Variants in SAMD12 observed in about 807,000 individuals in gnomAD.
SAMD12 encodes the protein sterile alpha motif domain containing 12.
In SAMD12, 9 loss-of-function variants were observed where a neutral mutation model predicts 15.0. That is an observed-to-expected ratio of 0.60 (90% CI 0.36 to 1.05). SAMD12 has a LOEUF of 1.05. Ranked by LOEUF, SAMD12 falls within the 50% of genes least tolerant of loss-of-function variation. The pLI, the probability that SAMD12 is intolerant of heterozygous loss-of-function variation, is 0.01. For missense variants in SAMD12, 230 were observed against 234.2 expected (o/e 0.98, Z 0.12); for synonymous variants, 86 against 90.1 (o/e 0.96, Z 0.25).
chr8:118,220,863 T>G (rs1198352298), intron 4 of SAMD12, among the ~76,000 whole-genome samples: 2 of 152,174 alleles, frequency 1.3e-5, no homozygotes, highest in Non-Finnish European at 2.9e-5. Flanking sequence ...ATTGAACCAG[T>G]GATTATGCAA....
At chr8:118,267,497 CA>C (rs1193947244) in intron 4 of SAMD12, among the ~76,000 whole-genome samples, 1 of 152,108 alleles carries the variant, frequency 6.6e-6, no homozygotes, top group African/African-American at 2.4e-5. Context: ...AACATGAAGG[CA>C]TCACCTCAAT....
intron 4 of SAMD12, among the ~76,000 whole-genome samples, chr8:118,344,981 T>C (rs887957397): frequency 6.6e-6 from 1 of 152,170 alleles, no homozygotes; most frequent in Non-Finnish European, 1.5e-5. Context: ...GTTTATAAAG[T>C]GTACAGCAGT....
At chr8:118,320,775 T>C (rs1586518713) in intron 4 of SAMD12, among the ~76,000 whole-genome samples, 1 of 150,728 alleles carries the variant, frequency 6.6e-6, no homozygotes, top group Non-Finnish European at 1.5e-5. Flanking sequence ...ATGTAACAAA[T>C]CTGCACATTG....
At chr8:118,503,365 T>C (rs1003951470) in intron 2 of SAMD12, among the ~76,000 whole-genome samples, 3 of 152,150 alleles carry the variant, frequency 2.0e-5, no homozygotes, top group Non-Finnish European at 2.9e-5. Context: ...CGGTCTTTAA[T>C]AGGGCAGGTC....
chr8:118,283,469 G>C (rs897832413), intron 4 of SAMD12, among the ~76,000 whole-genome samples: 35 of 152,214 alleles, frequency 2.3e-4, no homozygotes, highest in Admixed American at 7.9e-4. Flanking sequence ...GCCCAAGAGA[G>C]ACACGACTAA....
At chr8:118,206,505 G>A (rs1181091841) in intron 4 of SAMD12, among the ~76,000 whole-genome samples, 1 of 152,190 alleles carries the variant, frequency 6.6e-6, no homozygotes, top group African/African-American at 2.4e-5. Flanking sequence ...ATTGTTTACA[G>A]GTTTCTCATA....
chr8:118,272,218 C>T (rs1207391098), intron 4 of SAMD12, among the ~76,000 whole-genome samples: 7 of 152,202 alleles, frequency 4.6e-5, no homozygotes, highest in Non-Finnish European at 7.3e-5. Flanking sequence ...GGCTCAACAC[C>T]GCATAGAAGC....
intron 3 of SAMD12, among the ~76,000 whole-genome samples, chr8:118,407,134 G>A (rs1285370365): frequency 2.0e-5 from 3 of 152,186 alleles, no homozygotes; most frequent in South Asian, 2.1e-4. Context: ...AACCATGGGT[G>A]TACAAATATT....
intron 2 of SAMD12, among the ~76,000 whole-genome samples, chr8:118,510,374 G>A (rs553234339): frequency 6.6e-6 from 1 of 152,244 alleles, no homozygotes; most frequent in African/African-American, 2.4e-5. Flanking sequence ...TGAGAAACAA[G>A]GAGGTATTTC....
chr8:118,615,869 C>T (rs980669355), intron 1 of SAMD12, among the ~76,000 whole-genome samples: 1 of 152,148 alleles, frequency 6.6e-6, no homozygotes, highest in Admixed American at 6.5e-5. Context: ...AAACCCTGTC[C>T]GAACTAGCTA....
chr8:118,573,150 T>C (rs190535450), intron 2 of SAMD12, among the ~76,000 whole-genome samples: 137 of 152,256 alleles, frequency 9.0e-4, no homozygotes, highest in East Asian at 4.3e-3. Flanking sequence ...AATGGTGCGT[T>C]CCTGGCTCAC....
At chr8:118,448,339 T>C (rs938590776) in intron 2 of SAMD12, among the ~76,000 whole-genome samples, 1 of 152,214 alleles carries the variant, frequency 6.6e-6, no homozygotes, top group Non-Finnish European at 1.5e-5. Flanking sequence ...TAACACACTA[T>C]ACAATTCTGT....
At chr8:118,505,452 T>C in intron 2 of SAMD12, among the ~76,000 whole-genome samples, 1 of 152,024 alleles carries the variant, frequency 6.6e-6, no homozygotes, top group Non-Finnish European at 1.5e-5. Context: ...GTGAAGTTGT[T>C]AGGTTGGCTT....
intron 4 of SAMD12, among the ~76,000 whole-genome samples, chr8:118,346,499 C>CTAA (rs1251199141): frequency 1.3e-5 from 2 of 152,180 alleles, no homozygotes; most frequent in Non-Finnish European, 2.9e-5. Context: ...ATTATGTGGG[C>CTAA]TAATGTCTGC....
In SAMD12 at chr8:118,585,955, C is replaced by T. The variant is rs1032516783; in HGVS notation, c.14-5062G>A. 6.6e-5 allele frequency among the ~76,000 whole-genome samples: 10 copies of T among 152,304 alleles called. No individual in the cohort carries two copies. The South Asian group carries it at 1.9e-3, about 28-fold the overall frequency. On this transcript the variant is annotated intron_variant, in intron 1 of 3. Coordinates refer to ENST00000314727, the MANE Select transcript of SAMD12 (RefSeq NM_207506.3). ...GCATCTTAGTCTCCAGGAAGCCACC[C>T]AACTTCCAGTTCTTCCAATCTCCAC...
At chr8:118,573,859 A>T (rs1165088430) in intron 2 of SAMD12, among the ~76,000 whole-genome samples, 1 of 152,204 alleles carries the variant, frequency 6.6e-6, no homozygotes, top group Middle Eastern at 3.2e-3. Context: ...CAAAAATTTC[A>T]TCTTTTTATT....
chr8:118,588,912 C>G (rs1261606964), intron 1 of SAMD12, among the ~76,000 whole-genome samples: 1 of 152,150 alleles, frequency 6.6e-6, no homozygotes, highest in Non-Finnish European at 1.5e-5. Flanking sequence ...TTCCAAATTT[C>G]TCCTTGGTCA....
At chr8:118,136,570 G>A in the SAMD12 span, among the ~76,000 whole-genome samples, 1 of 152,154 alleles carries the variant, frequency 6.6e-6, no homozygotes, top group African/African-American at 2.4e-5. Flanking sequence ...TCCTTAGATG[G>A]GAAAGAAATC....
At chr8:118,391,622 C>A (rs1437351912) in intron 3 of SAMD12, among the ~76,000 whole-genome samples, 1 of 152,136 alleles carries the variant, frequency 6.6e-6, no homozygotes, top group Non-Finnish European at 1.5e-5. Context: ...TACCTATAGC[C>A]AAAGTACTGT....
Sources: gnomAD v4.1 joint callset for allele counts (sites outside exome capture counted in the v4.1 genomes callset) on GRCh38, gnomAD v4.1.1 for gene constraint, MANE v1.5 for transcripts, NCBI Gene and HGNC (gene_info 2026-07-23, HGNC 2026-07-21) for gene names.